The following PLCG2 variants were observed in gnomAD, a reference collection of about 807,000 sequenced individuals.
The protein encoded by PLCG2 is 1-phosphatidylinositol 4,5-bisphosphate phosphodiesterase gamma-2.
PLCG2 carries 69 observed loss-of-function variants against 175.6 expected under a neutral mutation model. The observed-to-expected ratio is 0.39, with a 90% CI of 0.32 to 0.48. PLCG2 has a LOEUF of 0.48. Among genes scored for constraint, PLCG2 ranks in the 20% least tolerant of loss-of-function variants. The pLI is 0.91. For synonymous variants in PLCG2, 827 were observed against 624.0 expected, an observed-to-expected ratio of 1.33 and a Z score of -4.85; for missense variants, 1,798 against 1,650.9, an observed-to-expected ratio of 1.09 and a Z score of -1.54.
Position 81,907,175 on chromosome 16 carries a change from A to G in PLCG2, c.1468-510A>G, listed in dbSNP as rs556187412. On this transcript the variant is annotated intron_variant, in intron 15 of 32. Transcript: ENST00000564138. ...ACAAATAAAAACGTTATTAAAAAAA[A>G]GAGTTTCTGCATACCCTGCACCCAG... 2.0e-5 allele frequency among the ~76,000 whole-genome samples: 3 copies of G among 152,240 alleles called. No homozygotes were observed. In the East Asian group the frequency reaches 5.8e-4, roughly 29 times the overall value.
intron 7 of PLCG2, among the ~76,000 whole-genome samples, chr16:81,879,655 T>C (rs774528309): frequency 1.3e-5 from 2 of 152,202 alleles, no homozygotes; most frequent in Non-Finnish European, 2.9e-5. Context: ...GATCATGTGA[T>C]AGTGGATACA....
intron 26 of PLCG2, chr16:81,935,581 C>A: frequency 1.0e-6 from 1 of 985,388 alleles, no homozygotes; most frequent in Non-Finnish European, 1.2e-6. Context: ...AGTTAACTTA[C>A]CGGGAGGCCA....
chr16:81,752,379 G>A (rs879231306), intron 1 of PLCG2, among the ~76,000 whole-genome samples: 3 of 152,212 alleles, frequency 2.0e-5, no homozygotes, highest in Admixed American at 1.3e-4. Context: ...GGACTGTGAG[G>A]GTTGGGACAC....
At chr16:81,875,620 T>G (rs559611907) in intron 7 of PLCG2, among the ~76,000 whole-genome samples, 6 of 152,318 alleles carry the variant, frequency 3.9e-5, no homozygotes, top group Non-Finnish European at 7.3e-5. Context: ...GCAGCAGACA[T>G]CAAGCAGCGT....
intron 2 of PLCG2, among the ~76,000 whole-genome samples, chr16:81,812,073 G>T (rs1370458269): frequency 2.9e-4 from 35 of 120,520 alleles, no homozygotes; most frequent in Non-Finnish European, 3.4e-4. Flanking sequence ...TTTTTGAGAC[G>T]GAGTCTTGCT....
In PLCG2 at chr16:81,883,259, C is replaced by T. The variant is rs972667592; in HGVS notation, c.693-10C>T. The T allele has an allele frequency of 2.5e-6, 4 of 1,613,430 alleles. No individual in the cohort carries two copies. Among genetic ancestry groups the T allele is most frequent in the Non-Finnish European group, 3.4e-6 (4 of 1,179,308 alleles). On this transcript the variant is annotated splice_polypyrimidine_tract_variant and intron_variant, in intron 8 of 32. Coordinates refer to ENST00000564138, the MANE Select transcript of PLCG2 (RefSeq NM_002661.5). Reference sequence around the variant, plus strand: ...CTGTCTCTAACTGCACCCCCTTTCCCCGAGGATAGGAACACTGACAGGCCG... The same window carrying T: ...CTGTCTCTAACTGCACCCCCTTTCCTCGAGGATAGGAACACTGACAGGCCG...
intron 20 of PLCG2, among the ~76,000 whole-genome samples, chr16:81,920,265 T>G (rs983573152): frequency 1.3e-5 from 2 of 152,150 alleles, no homozygotes; most frequent in African/African-American, 2.4e-5. Context: ...GGTTACTTTG[T>G]CTCCATTCCT....
At chr16:81,766,330 G>T (rs1910148726) in intron 2 of PLCG2, among the ~76,000 whole-genome samples, 1 of 152,192 alleles carries the variant, frequency 6.6e-6, no homozygotes, top group East Asian at 1.9e-4. Context: ...GGAGACACAG[G>T]TGGACACCTG....
At chr16:81,868,070 C>T (rs768019290) in intron 5 of PLCG2, among the ~76,000 whole-genome samples, 5 of 152,178 alleles carry the variant, frequency 3.3e-5, no homozygotes, top group African/African-American at 4.8e-5. Context: ...TTCCTGTGAC[C>T]GAGCACTGGA....
At chr16:81,871,117 T>C (rs1907492595) in intron 7 of PLCG2, among the ~76,000 whole-genome samples, 182 bp downstream of exon 7, 2 of 152,184 alleles carry the variant, frequency 1.3e-5, no homozygotes, top group African/African-American at 4.8e-5. Flanking sequence ...TCTTTAACCA[T>C]GACAGAGCTG....
At chr16:81,791,879 T>C (rs1050018257) in intron 2 of PLCG2, among the ~76,000 whole-genome samples, 2 of 152,180 alleles carry the variant, frequency 1.3e-5, no homozygotes, top group African/African-American at 4.8e-5. Context: ...CTGGGACTGT[T>C]GACCAAACAT....
chr16:81,782,981 A>T (rs1405120296), intron 1 of PLCG2: 1 of 389,398 alleles, frequency 2.6e-6, no homozygotes, highest in Admixed American at 3.1e-5. Context: ...GAGACGCAGC[A>T]TGGAAGTCTG....
In PLCG2 at chr16:81,895,820, C is replaced by G. The variant is rs375876385; in HGVS notation, c.1086C>G (p.Asp362Glu). 1 of 1,613,968 alleles carries G rather than the reference C, an allele frequency of 6.2e-7. No individual in the cohort carries two copies. The highest frequency in any genetic ancestry group is 1.3e-5 in the African/African-American group (1 of 74,916). Residue 362 changes from aspartate to glutamate, a missense_variant, in exon 13 of 33, where the codon GAC becomes GAG. By Grantham distance (45) the Asp-to-Glu change is conservative. Transcript: ENST00000564138. The stretch of plus-strand genomic sequence containing the variant: ...TTCTCCCTGTAGTGGACTGCTGGGA[C>G]GGGCCCGATGGGAAGCCGGTCATCT... ...GCRCIELDCWDGPDGKPVIYH... is the reference protein window; with the variant it reads ...GCRCIELDCWEGPDGKPVIYH...
At chr16:81,802,091 G>GTTTTTTT (rs1249304271) in intron 2 of PLCG2, among the ~76,000 whole-genome samples, 3 of 53,514 alleles carry the variant, frequency 5.6e-5, no homozygotes, top group Non-Finnish European at 7.6e-5. Flanking sequence ...GGTGAGTACA[G>GTTTTTTT]TCTTTTTTTT....
At chr16:81,894,659 G>A (rs796505611) in intron 12 of PLCG2, among the ~76,000 whole-genome samples, 37 of 152,256 alleles carry the variant, frequency 2.4e-4, no homozygotes, top group African/African-American at 8.7e-4. Flanking sequence ...GATCACTTGA[G>A]ATCAGGAGCT....
intron 5 of PLCG2, among the ~76,000 whole-genome samples, chr16:81,868,031 A>C (rs112895477): frequency 6.6e-6 from 1 of 152,100 alleles, no homozygotes; most frequent in Admixed American, 6.5e-5. Flanking sequence ...GAACCTCACT[A>C]TGTGGCTTCG....
Position 81,937,863 on chromosome 16 carries a change from C to A in PLCG2, c.3158C>A (p.Pro1053His). The change falls in exon 28 of 33, where the codon CCC (proline) becomes CAC (histidine). Residue 1053 changes from proline to histidine, a missense_variant. Physicochemically the swap from Pro to His is moderately conservative, Grantham distance 77. Transcript: ENST00000564138. ...MRTEKYDPMPPESQRKILMTL... is the reference protein window; with the variant it reads ...MRTEKYDPMPHESQRKILMTL... ...ACAGAGAAATATGACCCGATGCCAC[C>A]CGAGTCCCAGAGGAAGATCCTGATG... The A allele has an allele frequency of 6.2e-7, 1 of 1,614,098 alleles. No individual in the cohort carries two copies. The highest frequency in any genetic ancestry group is 1.3e-5 in the African/African-American group (1 of 75,042).
intron 1 of PLCG2, 158 bp from the exon 2 acceptor site, chr16:81,785,785 G>C (rs952662324): frequency 3.6e-6 from 2 of 553,414 alleles, no homozygotes; most frequent in Non-Finnish European, 6.5e-6. Flanking sequence ...TCCTGCCTTA[G>C]CTCTCTGAGT....
At chr16:81,747,753 A>G (rs1305868467) in intron 1 of PLCG2, among the ~76,000 whole-genome samples, 1 of 152,212 alleles carries the variant, frequency 6.6e-6, no homozygotes, top group Non-Finnish European at 1.5e-5. Flanking sequence ...AGAAACAGAA[A>G]TTCAAGTTAA....
Sources: gnomAD v4.1 joint callset for allele counts (sites outside exome capture counted in the v4.1 genomes callset) on GRCh38, gnomAD v4.1.1 for gene constraint, MANE v1.5 for transcripts, NCBI Gene and HGNC (gene_info 2026-07-23, HGNC 2026-07-21) for gene names.